The following LARGE1 variants were observed in gnomAD, a reference collection of about 807,000 sequenced individuals.
The protein encoded by LARGE1 is xylosyl- and glucuronyltransferase LARGE1.
Under a neutral mutation model 87.6 loss-of-function variants are expected in LARGE1, and 43 were observed. That is an observed-to-expected ratio of 0.49 (90% confidence interval 0.38 to 0.63). The LOEUF (loss-of-function observed/expected upper bound fraction) is 0.63. LARGE1 is among the 30% of genes least tolerant of loss of function. The probability of loss-of-function intolerance (pLI) is 0.00; values close to 1 mark genes in which losing one functional copy is unlikely to be tolerated. For missense variants in LARGE1, 802 were observed against 1,000.2 expected (o/e 0.80, Z 2.67); for synonymous variants, 434 against 394.6 (o/e 1.10, Z -1.18).
At chr22:33,866,988 C>T (rs1188729884) in intron 1 of LARGE1, among the ~76,000 whole-genome samples, 1 of 152,124 alleles carries the variant, frequency 6.6e-6, no homozygotes, top group Non-Finnish European at 1.5e-5. Flanking sequence ...ATTACGTATT[C>T]TCAGCAATGA....
At chr22:33,535,638 TCTAA>T (rs1419225719) in intron 6 of LARGE1, among the ~76,000 whole-genome samples, 1 of 152,038 alleles carries the variant, frequency 6.6e-6, no homozygotes, top group Non-Finnish European at 1.5e-5. Flanking sequence ...AGGTAGGGGT[TCTAA>T]CTATTTCTTA....
the LARGE1 span, among the ~76,000 whole-genome samples, chr22:33,118,878 C>A: frequency 6.6e-6 from 1 of 152,088 alleles, no homozygotes. Context: ...TTTTTTTCCC[C>A]TGTGGGAGGA....
rs2076938790 is a variant in LARGE1, at chr22:33,532,864, A to T, written c.787+31984T>A. Among the ~76,000 whole-genome samples, 3 of 152,214 alleles carry T rather than the reference A, an allele frequency of 2.0e-5. No individual in the cohort carries two copies. In the South Asian group the frequency reaches 6.2e-4, roughly 32 times the overall value. On this transcript the variant is annotated intron_variant, in intron 6 of 14. Coordinates refer to ENST00000397394, the MANE Select transcript of LARGE1 (RefSeq NM_133642.5). ...TGGAACCTGCTCATCGATGATGTCC[A>T]GTTAGTCGTTTACTTGAAATGGCCA...
At chr22:33,256,643 A>C (rs1209372512) in intron 11 of LARGE1, among the ~76,000 whole-genome samples, 1 of 152,228 alleles carries the variant, frequency 6.6e-6, no homozygotes, top group Non-Finnish European at 1.5e-5. Context: ...TGGAAGAAGA[A>C]AGAAAAGTAG....
At chr22:33,192,661 C>T (rs1923844049) in intron 11 of LARGE1, among the ~76,000 whole-genome samples, 1 of 152,110 alleles carries the variant, frequency 6.6e-6, no homozygotes, top group Non-Finnish European at 1.5e-5. Context: ...TATGCATAAG[C>T]TTTTTAGTTT....
chr22:33,655,587 G>A (rs2080936612), intron 2 of LARGE1, among the ~76,000 whole-genome samples: 1 of 152,042 alleles, frequency 6.6e-6, no homozygotes, highest in African/African-American at 2.4e-5. Context: ...AATAAACATA[G>A]CTGTATATGC....
At chr22:33,748,080 C>T (rs2084165627) in intron 2 of LARGE1, among the ~76,000 whole-genome samples, 1 of 145,822 alleles carries the variant, frequency 6.9e-6, no homozygotes, top group Non-Finnish European at 1.5e-5. Flanking sequence ...TAAGGCTCCA[C>T]CCCAGAAAGA....
intron 2 of LARGE1, among the ~76,000 whole-genome samples, chr22:33,676,564 G>A (rs2081584804): frequency 6.7e-6 from 1 of 150,158 alleles, no homozygotes; most frequent in Non-Finnish European, 1.5e-5. Flanking sequence ...CCATCAGCAG[G>A]TACAGGAAAA....
chr22:33,657,491 T>G (rs2080999265), intron 2 of LARGE1, among the ~76,000 whole-genome samples: 1 of 152,154 alleles, frequency 6.6e-6, no homozygotes, highest in Non-Finnish European at 1.5e-5. Flanking sequence ...TATCTCTGCT[T>G]CAAGCACTTG....
At chr22:33,414,211 GAA>G (rs1274918303) in intron 7 of LARGE1, among the ~76,000 whole-genome samples, 7 of 152,154 alleles carry the variant, frequency 4.6e-5, no homozygotes, top group Non-Finnish European at 1.0e-4. Flanking sequence ...GCCATTCACA[GAA>G]GTACATAATA....
intron 6 of LARGE1, among the ~76,000 whole-genome samples, chr22:33,514,305 CG>C (rs1006511585): frequency 6.6e-6 from 1 of 151,748 alleles, no homozygotes; most frequent in Non-Finnish European, 1.5e-5. Flanking sequence ...CACACACACA[CG>C]ATGATGCACA....
intron 3 of LARGE1, among the ~76,000 whole-genome samples, chr22:33,626,904 C>T (rs117514735): frequency 6.6e-6 from 1 of 152,336 alleles, no homozygotes; most frequent in Non-Finnish European, 1.5e-5. Context: ...GCATGGGCCT[C>T]AGACATGAAT....
the LARGE1 span, among the ~76,000 whole-genome samples, chr22:33,120,358 T>TTTCTTTCTTTCTTTCTTTC: frequency 1.7e-5 from 2 of 118,686 alleles, no homozygotes; most frequent in African/African-American, 6.9e-5. Flanking sequence ...TTTTCTTTCT[T>TTTCTTTCTTTCTTTCTTTC]TTTCTTTCTT....
At chr22:33,448,077 G>A (rs2067761236) in intron 6 of LARGE1, among the ~76,000 whole-genome samples, 1 of 151,880 alleles carries the variant, frequency 6.6e-6, no homozygotes, top group Non-Finnish European at 1.5e-5. Context: ...CAGATTAGTG[G>A]TCAATGGGGG....
intron 6 of LARGE1, among the ~76,000 whole-genome samples, chr22:33,527,810 G>A (rs1227401641): frequency 2.0e-5 from 3 of 152,192 alleles, no homozygotes; most frequent in African/African-American, 7.2e-5. Context: ...TGGAGGAGGT[G>A]TAAACAGTGG....
In LARGE1 at chr22:33,789,691, G is replaced by A. The variant is rs1198080005; in HGVS notation, c.-82-28133C>T. ...AGAGGATGTGAGACATGGAATCAAA[G>A]GAAATCACTTCGGAGCTTTAAGATT... On this transcript the variant is annotated intron_variant, in intron 1 of 14. Transcript: ENST00000397394. Among the ~76,000 whole-genome samples the A allele has an allele frequency of 3.3e-5, 5 of 152,182 alleles. No individual in the cohort carries two copies. In the East Asian group the frequency reaches 7.7e-4, roughly 23 times the overall value.
chr22:33,675,688 T>A (rs1436953063), intron 2 of LARGE1, among the ~76,000 whole-genome samples: 1 of 152,166 alleles, frequency 6.6e-6, no homozygotes, highest in Non-Finnish European at 1.5e-5. Flanking sequence ...TACCACAATT[T>A]TGAGTCACCT....
rs1929476682 is a variant in LARGE1 at position 33,277,143 on chromosome 22, T to G, written c.1990A>C (p.Arg664=). The G allele has an allele frequency of 6.2e-7, 1 of 1,614,242 alleles. No individual in the cohort carries two copies. Among genetic ancestry groups the G allele is most frequent in the Non-Finnish European group, 8.5e-7 (1 of 1,180,044 alleles). ...EADFEPYVVV[R]RDCPEYDRRF... is the part of the protein sequence containing the mutation. ...CGGTCGTACTCCGGGCAGTCACGTC[T>G]CACAACAACATACGGCTCAAAATCG... Residue 664 remains arginine (R), a synonymous_variant, in exon 14 of 15, where the codon AGA becomes CGA. Transcript: ENST00000397394.
the LARGE1 span, among the ~76,000 whole-genome samples, chr22:33,114,022 C>T: frequency 6.7e-6 from 1 of 148,508 alleles, no homozygotes; most frequent in East Asian, 1.9e-4. Flanking sequence ...AGACACACAG[C>T]ACCACGCCCA....
Sources: allele counts gnomAD v4.1 joint callset (sites outside exome capture counted in the v4.1 genomes callset), GRCh38; gene constraint gnomAD v4.1.1; transcripts MANE v1.5; gene names NCBI Gene and HGNC (gene_info 2026-07-23, HGNC 2026-07-21).